Variants in SAMD12 observed in about 807,000 individuals in gnomAD.
SAMD12 encodes sterile alpha motif domain containing 12, also known as sterile alpha motif domain-containing protein 12.
SAMD12 carries 9 observed loss-of-function variants against 15.0 expected under a neutral mutation model. That is an observed-to-expected ratio of 0.60 (90% confidence interval 0.36 to 1.05). The LOEUF is 1.05. Among genes scored for constraint, SAMD12 ranks in the 50% least tolerant of loss-of-function variants. SAMD12 has a pLI of 0.01. For synonymous variants in SAMD12, 86 were observed against 90.1 expected, an observed-to-expected ratio of 0.96 and a Z score of 0.25; for missense variants, 230 against 234.2, an observed-to-expected ratio of 0.98 and a Z score of 0.12.
At chr8:118,447,750 GA>G (rs1375052738) in intron 2 of SAMD12, among the ~76,000 whole-genome samples, 2 of 114,052 alleles carry the variant, frequency 1.8e-5, no homozygotes, top group Non-Finnish European at 3.5e-5. Flanking sequence ...TTTTGAGATG[GA>G]GTCTCACTAT....
chr8:118,390,324 C>T (rs1820203490), intron 3 of SAMD12, among the ~76,000 whole-genome samples: 2 of 152,126 alleles, frequency 1.3e-5, no homozygotes, highest in African/African-American at 4.8e-5. Flanking sequence ...TAACTTTTAA[C>T]CTTCCTTCTT....
chr8:118,195,253 A>C (rs930836695), exon 5 of SAMD12: 2 of 152,292 alleles, frequency 1.3e-5, no homozygotes, highest in African/African-American at 2.4e-5. Flanking sequence ...CAAGAGAGTC[A>C]GCAGTAGTCT....
chr8:118,359,550 A>G (rs1333010054), intron 4 of SAMD12, among the ~76,000 whole-genome samples: 2 of 152,318 alleles, frequency 1.3e-5, no homozygotes, highest in East Asian at 1.9e-4. Flanking sequence ...CAATGTATGC[A>G]GTTATAGCAA....
intron 2 of SAMD12, among the ~76,000 whole-genome samples, chr8:118,472,009 C>G (rs112043705): frequency 6.6e-6 from 1 of 152,134 alleles, no homozygotes; most frequent in Non-Finnish European, 1.5e-5. Context: ...CACAATAGGC[C>G]GGGCGCGGTG....
At chr8:118,285,833 T>C (rs1335031659) in intron 4 of SAMD12, among the ~76,000 whole-genome samples, 2 of 152,172 alleles carry the variant, frequency 1.3e-5, no homozygotes. Context: ...ATAAGTACTA[T>C]AAAAGTCTGA....
intron 4 of SAMD12, among the ~76,000 whole-genome samples, chr8:118,226,684 G>A (rs1238154159): frequency 6.6e-6 from 1 of 152,172 alleles, no homozygotes. Flanking sequence ...ATAATGAGGA[G>A]GTAGTATTGT....
At chr8:118,497,513 C>T (rs1042338492) in intron 2 of SAMD12, among the ~76,000 whole-genome samples, 4 of 151,974 alleles carry the variant, frequency 2.6e-5, no homozygotes, top group South Asian at 4.2e-4. Flanking sequence ...GGGAGCTAAA[C>T]GTTGAGTACA....
At chr8:118,175,024 CA>C in the SAMD12 span, among the ~76,000 whole-genome samples, 8,501 of 63,082 alleles carry the variant, frequency 0.13, 675 homozygotes, top group African/African-American at 0.27. Context: ...AGCAGTAAAG[CA>C]AAAAAAAACA....
Position 118,307,208 on chromosome 8 carries a change from A to T in SAMD12, c.433+72352T>A, listed in dbSNP as rs1815395459. Among the ~76,000 whole-genome samples, 3 of 152,230 alleles carry T rather than the reference A, an allele frequency of 2.0e-5. No homozygotes were observed. In the South Asian group the frequency reaches 6.2e-4, roughly 32 times the overall value. ...TGCACCTAATGACTGCCAAGCATAC[A>T]TAAATCTCACCTATACTTTATTCAA... On this transcript the variant is annotated intron_variant, in intron 4 of 4. Coordinates refer to the SAMD12 transcript ENST00000409003.
In SAMD12 at chr8:118,366,863, AAATAAAATAAAATAAAAT is replaced by A. The variant is rs1274743369; in HGVS notation, c.433+12679_433+12696del. 7.4e-4 allele frequency among the ~76,000 whole-genome samples: 96 copies of A among 129,148 alleles called. 2 individuals are homozygous for A. The highest frequency in any genetic ancestry group is 1.5e-3 in the Non-Finnish European group (91 of 61,070). The allele number at this position is 129,148 out of a possible 152,430, so 84.7% of individuals were successfully genotyped here. A position where few individuals can be genotyped will look rare whatever the true frequency, so the allele number is the denominator to read the frequency against. On this transcript the variant is annotated intron_variant, in intron 4 of 4. Coordinates refer to the SAMD12 transcript ENST00000409003. ...AAATAAAATAAAATAAAATAAAATA[AAATAAAATAAAATAAAAT>A]AATAAAATAAAATAAAATAAAATAA...
intron 2 of SAMD12, among the ~76,000 whole-genome samples, chr8:118,568,825 C>T (rs1265607476): frequency 6.6e-6 from 1 of 152,132 alleles, no homozygotes; most frequent in East Asian, 1.9e-4. Context: ...TATTTTGCTC[C>T]TTCACTGACC....
the SAMD12 span, among the ~76,000 whole-genome samples, chr8:118,153,035 G>A: frequency 6.6e-6 from 1 of 152,250 alleles, no homozygotes; most frequent in Admixed American, 6.5e-5. Context: ...CCCCTTGGCT[G>A]GCTAAAGAGA....
intron 2 of SAMD12, among the ~76,000 whole-genome samples, chr8:118,542,415 T>A (rs1257890831): frequency 6.6e-6 from 1 of 152,210 alleles, no homozygotes; most frequent in Admixed American, 6.5e-5. Flanking sequence ...GATCACAATA[T>A]TTGCAACAAA....
chr8:118,243,848 T>C (rs1812625462), intron 4 of SAMD12, among the ~76,000 whole-genome samples: 2 of 152,160 alleles, frequency 1.3e-5, no homozygotes, highest in Admixed American at 6.6e-5. Flanking sequence ...TTGGCAGTTG[T>C]ATTTACCAAA....
intron 1 of SAMD12, among the ~76,000 whole-genome samples, chr8:118,618,767 A>G (rs940004010): frequency 6.1e-5 from 9 of 147,586 alleles, no homozygotes; most frequent in African/African-American, 2.0e-4. Context: ...TGAACCCGGG[A>G]GGCGGAGCTT....
chr8:118,492,507 C>G (rs921722425), intron 2 of SAMD12, among the ~76,000 whole-genome samples: 1 of 152,104 alleles, frequency 6.6e-6, no homozygotes, highest in African/African-American at 2.4e-5. Context: ...GGGATTCATT[C>G]ATTTGAAGAA....
intron 4 of SAMD12, among the ~76,000 whole-genome samples, chr8:118,208,946 T>C (rs1366745985): frequency 6.6e-6 from 1 of 152,162 alleles, no homozygotes; most frequent in Admixed American, 6.5e-5. Flanking sequence ...CTCCATCATG[T>C]TCCCAGAATC....
intron 1 of SAMD12, among the ~76,000 whole-genome samples, chr8:118,583,965 A>G (rs1827359228): frequency 6.6e-6 from 1 of 152,234 alleles, no homozygotes; most frequent in Non-Finnish European, 1.5e-5. Context: ...CATAAGAGAC[A>G]TTAAGGAAAC....
intron 2 of SAMD12, among the ~76,000 whole-genome samples, chr8:118,472,573 G>T (rs1211974449): frequency 6.6e-6 from 1 of 152,154 alleles, no homozygotes. Flanking sequence ...TACTTGGGAG[G>T]CTGAGGTGGG....
Sources: gnomAD v4.1 joint callset for allele counts (sites outside exome capture counted in the v4.1 genomes callset) on GRCh38, gnomAD v4.1.1 for gene constraint, MANE v1.5 for transcripts, NCBI Gene and HGNC (gene_info 2026-07-23, HGNC 2026-07-21) for gene names.